The following MEG3 variants were observed in gnomAD, a reference collection of about 807,000 sequenced individuals.
MEG3 encodes the protein maternally expressed 3.
downstream of MEG3, chr14:100,829,276 G>C (rs2037333808): frequency 6.6e-6 from 1 of 152,224 alleles, no homozygotes; most frequent in Admixed American, 6.5e-5. Context: ...GTGTTCACCT[G>C]CTAGCAAACT....
At chr14:100,852,678 G>A (rs1365920310), upstream of MEG3, 7 of 263,960 alleles carry the variant, frequency 2.7e-5, no homozygotes, top group South Asian at 7.0e-5. Context: ...ACTCATGTAC[G>A]GCTGTTAAAA....
Position 100,837,480 on chromosome 14 carries a change from T to G in MEG3, n.3045+1180T>G, listed in dbSNP as rs1351059770. Among the ~76,000 whole-genome samples, 1 of 152,022 alleles carries G rather than the reference T, an allele frequency of 6.6e-6. No homozygotes were observed. Among genetic ancestry groups the G allele is most frequent in the African/African-American group, 2.4e-5 (1 of 41,388 alleles). On this transcript the variant is annotated intron_variant and non_coding_transcript_variant, in intron 2 of 3. Transcript: ENST00000398461. This position sits in a 1 kb window ranked among gnomAD's most constrained non-coding sequence, Gnocchi z 5.8. ...GAGGCTGGCTCCATTCCCCCAGACA[T>G]TTATGGAGGCTTGAGGGGGCCCTAG...
chr14:100,831,094 A>G (rs1267922608), downstream of MEG3: 1 of 153,070 alleles, frequency 6.5e-6, no homozygotes, highest in East Asian at 1.9e-4. Flanking sequence ...TCCTGCTCCC[A>G]GTGAGTAATG....
intron 2 of MEG3, among the ~76,000 whole-genome samples, chr14:100,843,050 G>A (rs1476544917): frequency 6.6e-6 from 1 of 152,150 alleles, no homozygotes; most frequent in Non-Finnish European, 1.5e-5. Context: ...GCTGGCACAC[G>A]CAGCTTTTAA....
intron 1 of MEG3, chr14:100,860,503 G>A: frequency 5.3e-6 from 2 of 377,126 alleles, no homozygotes; most frequent in East Asian, 1.5e-4. Context: ...AGAAGTTGAG[G>A]GGCACTAGGT....
At chr14:100,848,462 C>G (rs1052763917) in intron 3 of MEG3, 4 of 152,104 alleles carry the variant, frequency 2.6e-5, no homozygotes, top group Non-Finnish European at 5.9e-5. Context: ...AATGATTGAA[C>G]GACAGAAAAG....
chr14:100,859,646 C>G (rs1447085865), exon 1 of MEG3: 1 of 151,714 alleles, frequency 6.6e-6, no homozygotes, highest in African/African-American at 2.4e-5. Flanking sequence ...TTTAGACATC[C>G]AGAAAACCGG....
rs1369787614 is a variant in MEG3, at chr14:100,837,206, GA to G, written n.3045+908del. ...GCATGCTGGACGGCCATGCCAGGCT[GA>G]AGTTTGGGCTGGCAGGAAGAGAGGA... is the stretch of plus-strand genomic sequence containing the variant. On this transcript the variant is annotated intron_variant and non_coding_transcript_variant, in intron 2 of 3. Transcript: ENST00000398461. This position sits in a 1 kb window ranked among gnomAD's most constrained non-coding sequence, Gnocchi z 5.8. 6.6e-6 allele frequency among the ~76,000 whole-genome samples: 1 copy of G among 152,194 alleles called. No homozygotes were observed. Among genetic ancestry groups the G allele is most frequent in the Non-Finnish European group, 1.5e-5 (1 of 68,032 alleles).
exon 1 of MEG3, chr14:100,835,051 G>A (rs2037523353): frequency 8.6e-6 from 3 of 348,806 alleles, no homozygotes; most frequent in South Asian, 6.5e-5. Context: ...GGCGGGCCGG[G>A]GGGTTGCCCA....
At chr14:100,841,187 C>T (rs1433951605) in intron 2 of MEG3, among the ~76,000 whole-genome samples, 1 of 152,198 alleles carries the variant, frequency 6.6e-6, no homozygotes, top group East Asian at 1.9e-4. Flanking sequence ...AAAGTCCCTG[C>T]CGTGACAGGA....
At chr14:100,860,462 G>A (rs2038371591) in intron 1 of MEG3, 2 of 358,432 alleles carry the variant, frequency 5.6e-6, no homozygotes, top group Admixed American at 3.7e-5. Flanking sequence ...TTCTGCAAGT[G>A]GGCCGAGTCT....
chr14:100,854,691 CAGTT>C (rs1373100247), upstream of MEG3: 36 of 152,680 alleles, frequency 2.4e-4, no homozygotes, highest in Non-Finnish European at 2.1e-4. Flanking sequence ...CCTGTACAAT[CAGTT>C]AGTGGCCTTC....
rs1349247414 is a variant in MEG3 at position 100,837,726 on chromosome 14, A to G, written n.3045+1426A>G. On this transcript the variant is annotated intron_variant and non_coding_transcript_variant, in intron 2 of 3. Transcript: ENST00000398461. The surrounding 1 kb of genome is among the most constrained non-coding windows in gnomAD (Gnocchi z 5.8). ...GCAGCCTCGTAATGCTCTTTAATCAAACAGAGGATTTGGAGACAGCTCTCC... is the reference window on the plus strand; with the variant it reads ...GCAGCCTCGTAATGCTCTTTAATCAGACAGAGGATTTGGAGACAGCTCTCC... Among the ~76,000 whole-genome samples, 1 of 152,052 alleles carries G rather than the reference A, an allele frequency of 6.6e-6. No individual in the cohort carries two copies. Among genetic ancestry groups the G allele is most frequent in the African/African-American group, 2.4e-5 (1 of 41,390 alleles).
chr14:100,828,152 C>G (rs1219158121), intron 1 of MEG3, among the ~76,000 whole-genome samples: 3 of 152,012 alleles, frequency 2.0e-5, no homozygotes, highest in Non-Finnish European at 4.4e-5. Flanking sequence ...TGGGCACCCC[C>G]TGTCCATCCA....
At chr14:100,850,481 C>G (rs1332488367) in intron 3 of MEG3, 2 of 152,034 alleles carry the variant, frequency 1.3e-5, no homozygotes, top group African/African-American at 4.8e-5. Context: ...TGTCTGTAAT[C>G]CTAGCTACTC....
At chr14:100,840,405 C>CG (rs142688981) in intron 2 of MEG3, among the ~76,000 whole-genome samples, 3,706 of 152,256 alleles carry the variant, frequency 0.024, 133 homozygotes, top group African/African-American at 0.083. Context: ...GGGAGCCCCC[C>CG]GTGGGGAACA....
chr14:100,847,684 T>A (rs1295190715), intron 3 of MEG3: 3 of 152,162 alleles, frequency 2.0e-5, no homozygotes, highest in African/African-American at 7.2e-5. Context: ...TGAGAAGACA[T>A]GGCCCCATGG....
intron 2 of MEG3, chr14:100,828,964 G>A (rs1395658892): frequency 3.9e-5 from 6 of 152,108 alleles, no homozygotes; most frequent in Admixed American, 3.9e-4. Flanking sequence ...TGTAATTAAT[G>A]AACTTAAACT....
chr14:100,841,720 G>A (rs188745144), intron 2 of MEG3, among the ~76,000 whole-genome samples: 409 of 152,360 alleles, frequency 2.7e-3, no homozygotes, highest in Non-Finnish European at 4.5e-3. Context: ...CCCATGAGCT[G>A]GGATGCAGGG....
Sources: gnomAD v4.1 joint callset for allele counts (sites outside exome capture counted in the v4.1 genomes callset) on GRCh38, gnomAD v4.1.1 for gene constraint, Gnocchi (gnomAD v3.1) non-coding constraint, MANE v1.5 for transcripts, NCBI Gene and HGNC (gene_info 2026-07-23, HGNC 2026-07-21) for gene names.